SOX5: variants seen among roughly 807,000 people sequenced by gnomAD.
The protein encoded by SOX5 is SRY-box transcription factor 5.
In SOX5, 9 loss-of-function variants were observed where a neutral mutation model predicts 92.0. The ratio of observed to expected loss-of-function variants is 0.10; its 90% CI spans 0.06 to 0.17. The LOEUF (loss-of-function observed/expected upper bound fraction) is 0.17, where lower values mean the gene tolerates loss of function less well. SOX5 is among the 10% of genes least tolerant of loss of function. The pLI is 1.00. For synonymous variants in SOX5, 344 were observed against 336.3 expected (o/e 1.02, Z -0.25); for missense variants, 642 against 944.5 (o/e 0.68, Z 4.20).
chr12:23,861,012 T>C (rs1478167170), intron 2 of SOX5, among the ~76,000 whole-genome samples: 2 of 123,430 alleles, frequency 1.6e-5, no homozygotes, highest in Non-Finnish European at 3.4e-5. Flanking sequence ...TGAGCACCTA[T>C]AGAATATGTC....
intron 1 of SOX5, among the ~76,000 whole-genome samples, chr12:23,905,468 T>A (rs1208860707): frequency 6.6e-6 from 1 of 152,224 alleles, no homozygotes; most frequent in Non-Finnish European, 1.5e-5. Flanking sequence ...AGGGTTAAAA[T>A]TTATCTAAAC....
intron 3 of SOX5, chr12:24,227,100 G>A (rs1962220472): frequency 2.0e-5 from 3 of 152,266 alleles, no homozygotes; most frequent in Admixed American, 2.0e-4. Context: ...ATCCTGGTTT[G>A]TGGCTTGAGG....
intron 8 of SOX5, among the ~76,000 whole-genome samples, chr12:23,620,801 C>T (rs2077083980): frequency 6.6e-6 from 1 of 152,000 alleles, no homozygotes; most frequent in Non-Finnish European, 1.5e-5. Context: ...ACCAACGAAG[C>T]AATACAGAGA....
intron 4 of SOX5, among the ~76,000 whole-genome samples, chr12:23,991,348 A>AT (rs1555464062): frequency 4.8e-4 from 72 of 148,638 alleles, no homozygotes; most frequent in African/African-American, 6.4e-4. Flanking sequence ...CAACAAAAAA[A>AT]ATATATATAT....
At chr12:24,329,234 G>A (rs536829194) in intron 2 of SOX5, among the ~76,000 whole-genome samples, 17 of 152,172 alleles carry the variant, frequency 1.1e-4, no homozygotes, top group Middle Eastern at 3.4e-3. Context: ...GATACTACCC[G>A]AGACTCGGTA....
intron 1 of SOX5, among the ~76,000 whole-genome samples, chr12:24,521,055 A>T (rs1249542130): frequency 6.6e-6 from 1 of 151,850 alleles, no homozygotes; most frequent in Non-Finnish European, 1.5e-5. Context: ...ACAATAGTAG[A>T]ATTTTTTTTT....
At chr12:23,824,216 C>T (rs2096183351) in intron 3 of SOX5, among the ~76,000 whole-genome samples, 1 of 152,212 alleles carries the variant, frequency 6.6e-6, no homozygotes, top group Non-Finnish European at 1.5e-5. Flanking sequence ...TTGGAATTTT[C>T]AGCCTTTTTG....
intron 2 of SOX5, among the ~76,000 whole-genome samples, chr12:24,302,934 AC>A (rs1948147811): frequency 6.6e-6 from 1 of 152,168 alleles, no homozygotes; most frequent in African/African-American, 2.4e-5. Context: ...AACAACAGTA[AC>A]AAAAACCAAA....
intron 4 of SOX5, chr12:24,212,396 A>G (rs1465051407): frequency 5.6e-6 from 3 of 533,726 alleles, no homozygotes; most frequent in Non-Finnish European, 7.7e-6. Flanking sequence ...ATCTCTCTGT[A>G]TAATGAAAAC....
At chr12:24,212,280 A>C in intron 4 of SOX5, 1 of 469,602 alleles carries the variant, frequency 2.1e-6, no homozygotes, top group Admixed American at 2.9e-5. Flanking sequence ...CTAAAACATA[A>C]CAAAATCTCT....
At chr12:24,233,202 T>C (rs74842514) in intron 3 of SOX5, among the ~76,000 whole-genome samples, 43 of 152,200 alleles carry the variant, frequency 2.8e-4, no homozygotes, top group African/African-American at 9.9e-4. Flanking sequence ...AGAAAATGGA[T>C]AATGTTTAAA....
At chr12:24,141,015 G>C (rs549112131) in intron 4 of SOX5, among the ~76,000 whole-genome samples, 1 of 151,748 alleles carries the variant, frequency 6.6e-6, no homozygotes, top group East Asian at 2.0e-4. Flanking sequence ...TCTAAGAAAA[G>C]GACAGAGCAT....
intron 13 of SOX5, among the ~76,000 whole-genome samples, chr12:23,540,864 G>A (rs1163429073): frequency 6.6e-6 from 1 of 152,118 alleles, no homozygotes; most frequent in Admixed American, 6.5e-5. Context: ...GCTGTCGGAG[G>A]CTGTTATCCA....
intron 6 of SOX5, among the ~76,000 whole-genome samples, chr12:23,687,795 T>G (rs1487874583): frequency 1.3e-5 from 2 of 151,984 alleles, no homozygotes; most frequent in African/African-American, 4.8e-5. Context: ...ATACCACATA[T>G]GACCATCTCT....
intron 4 of SOX5, among the ~76,000 whole-genome samples, chr12:24,084,703 A>G (rs1423643601): frequency 6.6e-6 from 1 of 151,994 alleles, no homozygotes; most frequent in Non-Finnish European, 1.5e-5. Context: ...GGTGCTCCTC[A>G]TGCAGTTTCT....
chr12:24,076,248 C>G (rs144153038), intron 4 of SOX5, among the ~76,000 whole-genome samples: 2 of 152,078 alleles, frequency 1.3e-5, no homozygotes, highest in Non-Finnish European at 2.9e-5. Context: ...TTTCTGGAGA[C>G]GGACCTTGTA....
intron 4 of SOX5, among the ~76,000 whole-genome samples, chr12:23,960,134 A>C (rs1946722572): frequency 2.0e-5 from 3 of 152,130 alleles, no homozygotes; most frequent in Admixed American, 2.0e-4. Flanking sequence ...AGAATTGGAG[A>C]GAAACGGACC....
intron 3 of SOX5, among the ~76,000 whole-genome samples, chr12:23,758,623 A>C (rs77914464): frequency 0.021 from 3,195 of 152,018 alleles, 107 homozygotes; most frequent in African/African-American, 0.073. Context: ...AATTCTACCT[A>C]TTGGATCCCA....
intron 3 of SOX5, among the ~76,000 whole-genome samples, chr12:24,253,789 G>A (rs1430403119): frequency 6.6e-6 from 1 of 152,072 alleles, no homozygotes. Flanking sequence ...ATTTACTATG[G>A]CATTTAACTC....
Sources: allele counts gnomAD v4.1 joint callset (sites outside exome capture counted in the v4.1 genomes callset), GRCh38; gene constraint gnomAD v4.1.1; transcripts MANE v1.5; gene names NCBI Gene and HGNC (gene_info 2026-07-23, HGNC 2026-07-21).